Variants in MBOAT2 observed in about 807,000 individuals in gnomAD.
The protein encoded by MBOAT2 is membrane bound glycerophospholipid O-acyltransferase 2.
In MBOAT2, 28 loss-of-function variants were observed where a neutral mutation model predicts 63.4. The observed-to-expected ratio is 0.44, with a 90% CI of 0.33 to 0.61. MBOAT2 has a LOEUF of 0.61. Among genes scored for constraint, MBOAT2 ranks in the 20% least tolerant of loss-of-function variants. The probability of loss-of-function intolerance (pLI) is 0.03; values close to 1 mark genes in which losing one functional copy is unlikely to be tolerated. For missense variants in MBOAT2, 470 were observed against 605.8 expected, an observed-to-expected ratio of 0.78 and a Z score of 2.35; for synonymous variants, 211 against 215.6, an observed-to-expected ratio of 0.98 and a Z score of 0.19.
At chr2:8,964,892 T>C (rs976483262) in intron 1 of MBOAT2, among the ~76,000 whole-genome samples, 1 of 152,222 alleles carries the variant, frequency 6.6e-6, no homozygotes, top group Non-Finnish European at 1.5e-5. Flanking sequence ...TCCCTTTATA[T>C]CCTTTGCCCA....
intron 5 of MBOAT2, among the ~76,000 whole-genome samples, chr2:8,886,463 A>T (rs1663558426): frequency 6.6e-6 from 1 of 152,194 alleles, no homozygotes; most frequent in African/African-American, 2.4e-5. Flanking sequence ...AGCTGAGAAA[A>T]TATGGCTTAG....
chr2:8,976,235 C>G (rs1394569115), intron 1 of MBOAT2, among the ~76,000 whole-genome samples: 1 of 152,022 alleles, frequency 6.6e-6, no homozygotes, highest in Admixed American at 6.6e-5. Flanking sequence ...TTAATCAAGG[C>G]ACCACAGAGA....
chr2:8,916,258 C>T (rs373488509), intron 3 of MBOAT2, among the ~76,000 whole-genome samples: 15 of 152,330 alleles, frequency 9.8e-5, no homozygotes, highest in African/African-American at 3.6e-4. Flanking sequence ...GTAACTTTCT[C>T]TGCTGTTTAC....
At chr2:8,956,383 T>G (rs1669223941) in intron 2 of MBOAT2, among the ~76,000 whole-genome samples, 3 of 152,006 alleles carry the variant, frequency 2.0e-5, no homozygotes, top group African/African-American at 7.3e-5. Flanking sequence ...AAGAAAAAAA[T>G]AGAGAACTCA....
chr2:8,994,475 G>C (rs141474323), intron 1 of MBOAT2, among the ~76,000 whole-genome samples: 16 of 152,328 alleles, frequency 1.1e-4, no homozygotes, highest in African/African-American at 2.4e-4. Flanking sequence ...ATGACACTGG[G>C]CTTCTGCTGT....
chr2:8,904,204 C>T (rs184670443), intron 4 of MBOAT2, among the ~76,000 whole-genome samples: 1 of 152,178 alleles, frequency 6.6e-6, no homozygotes, highest in Admixed American at 6.5e-5. Flanking sequence ...AAACTCCTGG[C>T]CTCAAGTGAT....
At chr2:8,936,786 CAAAAAA>C (rs745694357) in intron 3 of MBOAT2, among the ~76,000 whole-genome samples, 2 of 56,382 alleles carry the variant, frequency 3.5e-5, no homozygotes, top group Non-Finnish European at 6.9e-5. Context: ...GACTCCGTCT[CAAAAAA>C]AAAAAAAAAA....
At chr2:8,962,359 G>C (rs1573180639) in intron 1 of MBOAT2, among the ~76,000 whole-genome samples, 2 of 152,256 alleles carry the variant, frequency 1.3e-5, no homozygotes, top group East Asian at 3.9e-4. Context: ...ATGGTCTTTA[G>C]TACCAGTCAC....
chr2:8,877,861 A>T (rs1293911243), intron 6 of MBOAT2, among the ~76,000 whole-genome samples: 1 of 152,144 alleles, frequency 6.6e-6, no homozygotes, highest in Non-Finnish European at 1.5e-5. Context: ...GCTGGCAGCA[A>T]GGCAGCCGTG....
At chr2:8,878,084 A>G (rs1246297338) in intron 6 of MBOAT2, among the ~76,000 whole-genome samples, 14 of 152,216 alleles carry the variant, frequency 9.2e-5, no homozygotes. Flanking sequence ...AGGAGGTGAC[A>G]ATGGCTGGAG....
intron 3 of MBOAT2, among the ~76,000 whole-genome samples, chr2:8,914,415 C>T (rs2148597965): frequency 6.6e-6 from 1 of 151,870 alleles, no homozygotes; most frequent in South Asian, 2.1e-4. Context: ...AGGACAGTAA[C>T]CAAGCATTTA....
At chr2:8,978,404 T>G (rs1044319302) in intron 1 of MBOAT2, among the ~76,000 whole-genome samples, 2 of 152,210 alleles carry the variant, frequency 1.3e-5, no homozygotes, top group South Asian at 2.1e-4. Context: ...TTATGGTATT[T>G]TTCATTATAT....
At chr2:8,860,536 A>G (rs1661420926) in intron 12 of MBOAT2, 77 bp downstream of exon 12, 4 of 1,436,718 alleles carry the variant, frequency 2.8e-6, no homozygotes, top group Admixed American at 2.0e-5. Context: ...CTGTTTTTCT[A>G]TTCTATCCAA....
At chr2:8,942,886 CA>C (rs879731868) in intron 3 of MBOAT2, among the ~76,000 whole-genome samples, 12 of 152,184 alleles carry the variant, frequency 7.9e-5, no homozygotes, top group Non-Finnish European at 1.6e-4. Flanking sequence ...TTATGGTCGT[CA>C]CAGCTCAAGG....
intron 4 of MBOAT2, among the ~76,000 whole-genome samples, chr2:8,904,147 G>T (rs969747156): frequency 6.6e-6 from 1 of 151,704 alleles, no homozygotes; most frequent in Non-Finnish European, 1.5e-5. Flanking sequence ...GCTAATTTTT[G>T]TATTTTTAGT....
intron 11 of MBOAT2, among the ~76,000 whole-genome samples, chr2:8,861,410 C>G (rs1235331956): frequency 6.6e-6 from 1 of 152,140 alleles, no homozygotes; most frequent in East Asian, 1.9e-4. Context: ...CCTATTCTGT[C>G]TGCTATGGGA....
At position 8,860,718 on chromosome 2, in the gene MBOAT2, T is replaced by C. The variant is rs146795028; in HGVS notation, c.1232A>G (p.Lys411Arg). The change falls in exon 12 of 13, where the codon AAA (lysine) becomes AGA (arginine). Residue 411 changes from lysine to arginine, a missense_variant. By Grantham distance (26) the Lys-to-Arg change is conservative. Transcript: ENST00000305997. ...RHYFIEPSQL[K>R]LFYDVITWIV... ...CCATGTTATAACATCATAAAATAATTTCAGTTGGGAAGGTTCAATGAAATA... is the reference window on the plus strand; with the variant it reads ...CCATGTTATAACATCATAAAATAATCTCAGTTGGGAAGGTTCAATGAAATA... 6.2e-7 allele frequency: 1 copy of C among 1,604,692 alleles called. No individual in the cohort carries two copies. Among genetic ancestry groups the C allele is most frequent in the Non-Finnish European group, 8.5e-7 (1 of 1,172,480 alleles).
intron 3 of MBOAT2, among the ~76,000 whole-genome samples, chr2:8,910,053 T>C (rs1665604731): frequency 6.6e-6 from 1 of 152,222 alleles, no homozygotes. Flanking sequence ...GAACCATAAT[T>C]AACCTGGGAG....
chr2:8,882,470 G>T, intron 6 of MBOAT2, 41 bp downstream of exon 6: 1 of 1,599,990 alleles, frequency 6.3e-7, no homozygotes, highest in Non-Finnish European at 8.6e-7. Context: ...CCTAGGCAGG[G>T]GCGCAGGAAG....
Sources: allele counts gnomAD v4.1 joint callset (sites outside exome capture counted in the v4.1 genomes callset), GRCh38; gene constraint gnomAD v4.1.1; transcripts MANE v1.5; gene names NCBI Gene and HGNC (gene_info 2026-07-23, HGNC 2026-07-21).